Variants in CAMSAP1 observed in about 807,000 individuals in gnomAD.
The protein encoded by CAMSAP1 is calmodulin regulated spectrin associated protein 1.
CAMSAP1 carries 58 observed loss-of-function variants against 143.5 expected under a neutral mutation model. The ratio of observed to expected loss-of-function variants is 0.40; its 90% CI spans 0.33 to 0.50. The LOEUF (loss-of-function observed/expected upper bound fraction) is 0.50, where lower values mean the gene tolerates loss of function less well. Ranked by LOEUF, CAMSAP1 falls within the 20% of genes least tolerant of loss-of-function variation. CAMSAP1 has a pLI of 0.45. For missense variants in CAMSAP1, 1,969 were observed against 2,115.7 expected (o/e 0.93, Z 1.36); for synonymous variants, 945 against 859.3 (o/e 1.10, Z -1.74).
chr9:135,865,127 C>CTTTTTTTTTTT (rs1837329858), intron 4 of CAMSAP1: 2 of 569,786 alleles, frequency 3.5e-6, no homozygotes, highest in Non-Finnish European at 6.3e-6. Flanking sequence ...CGAAATGTAA[C>CTTTTTTTTTTT]TTAAGAGTTC....
intron 3 of CAMSAP1, among the ~76,000 whole-genome samples, chr9:135,875,684 A>C (rs1478275031): frequency 6.6e-6 from 1 of 152,232 alleles, no homozygotes; most frequent in South Asian, 2.1e-4. Context: ...TAATTCAATA[A>C]GGAAAGGAAA....
chr9:135,874,313 T>A (rs1022131302), intron 3 of CAMSAP1, among the ~76,000 whole-genome samples: 2 of 150,248 alleles, frequency 1.3e-5, no homozygotes, highest in Non-Finnish European at 3.0e-5. Context: ...TCTACAAAAA[T>A]TTTTTTTTAA....
intron 3 of CAMSAP1, among the ~76,000 whole-genome samples, chr9:135,874,853 C>T (rs1222754153): frequency 6.6e-6 from 1 of 152,076 alleles, no homozygotes; most frequent in Non-Finnish European, 1.5e-5. Context: ...TTATTAATTA[C>T]GTTTCTACGG....
chr9:135,823,331 T>C lies in CAMSAP1; in HGVS notation c.1401-71A>G, dbSNP rs535326520. 3.5e-5 allele frequency: 52 copies of C among 1,484,946 alleles called. No homozygotes were observed. In the East Asian group the frequency reaches 1.1e-3, roughly 32 times the overall value. 92.0% of individuals were successfully genotyped at this position (1,484,946 alleles called of 1,614,324 possible). On this transcript the variant is annotated intron_variant, in intron 10 of 16. Coordinates refer to ENST00000389532, the MANE Select transcript of CAMSAP1 (RefSeq NM_015447.4). ...AAGACCCCCAACATGGACCAGGGGG[T>C]GAGAATGCCGGCCACACAAAGAGAA...
In CAMSAP1 at chr9:135,818,685, C is replaced by A; in HGVS notation, c.3960-69G>T. 6.5e-7 allele frequency: 1 copy of A among 1,535,662 alleles called. No homozygotes were observed. Among genetic ancestry groups the A allele is most frequent in the Non-Finnish European group, 8.8e-7 (1 of 1,133,572 alleles). On this transcript the variant is annotated intron_variant, in intron 12 of 16. Coordinates refer to ENST00000389532, the MANE Select transcript of CAMSAP1 (RefSeq NM_015447.4). The surrounding 1 kb of genome is among the most constrained non-coding windows in gnomAD (Gnocchi z 7.7). ...CTTCCACGACGCCTGCGCCGCGGCGCTCTGTCCAGGCGCGTTTCTCGGGTT... is the reference window on the plus strand; with the variant it reads ...CTTCCACGACGCCTGCGCCGCGGCGATCTGTCCAGGCGCGTTTCTCGGGTT...
In CAMSAP1 at chr9:135,868,080, T is replaced by C. The variant is rs535721612; in HGVS notation, c.586-1544A>G. 4.0e-5 allele frequency among the ~76,000 whole-genome samples: 6 copies of C among 151,598 alleles called. No homozygotes were observed. The East Asian group carries it at 9.7e-4, about 25-fold the overall frequency. ...AAAATTCAGTCAACCTAAAATTTTA[T>C]ATCCAGCCGTATATTTGGAAAATGA... On this transcript the variant is annotated intron_variant, in intron 3 of 16. Coordinates refer to ENST00000389532, the MANE Select transcript of CAMSAP1 (RefSeq NM_015447.4).
intron 3 of CAMSAP1, among the ~76,000 whole-genome samples, chr9:135,870,688 G>C (rs988098036): frequency 1.3e-5 from 2 of 152,162 alleles, no homozygotes; most frequent in Non-Finnish European, 2.9e-5. Context: ...CCAGTTACTT[G>C]GGAGGCTAAG....
chr9:135,890,865 A>G (rs1838269457), intron 1 of CAMSAP1, among the ~76,000 whole-genome samples: 1 of 152,232 alleles, frequency 6.6e-6, no homozygotes, highest in Admixed American at 6.5e-5. Flanking sequence ...GCAAGCTCCC[A>G]GACTCCTGAA....
rs201581888 is a variant in CAMSAP1 at position 135,860,049 on chromosome 9, A to AT, written c.808+2417_808+2418insA. Among the ~76,000 whole-genome samples the AT allele has an allele frequency of 1.4e-3, 213 of 150,332 alleles. 2 individuals carry two copies. The highest frequency in any genetic ancestry group is 2.3e-3 in the Admixed American group (35 of 15,096). On this transcript the variant is annotated intron_variant, in intron 5 of 16. Coordinates refer to ENST00000389532, the MANE Select transcript of CAMSAP1 (RefSeq NM_015447.4). ...GCAAAACCCTATCTCCACAAAAAAA[A>AT]AAAAAATAAAAAAATACAAAAGTTA...
intron 3 of CAMSAP1, among the ~76,000 whole-genome samples, chr9:135,868,686 C>T (rs1354659258): frequency 7.4e-6 from 1 of 135,790 alleles, no homozygotes; most frequent in Admixed American, 8.5e-5. Flanking sequence ...GGCATGATCT[C>T]GGCTCACTGC....
chr9:135,822,894 A>T lies in CAMSAP1; in HGVS notation c.1767T>A (p.Ser589Arg). The part of the protein sequence containing the change: ...QLDTSESKPD[S>R]FFLEPLMPAV... Reference sequence around the variant, plus strand: ...CTGGCATCAAAGGCTCCAAGAAAAAACTGTCAGGCTTACTTTCCGAGGTGT... The same window carrying T: ...CTGGCATCAAAGGCTCCAAGAAAAATCTGTCAGGCTTACTTTCCGAGGTGT... Residue 589 changes from serine to arginine, a missense_variant, in exon 11 of 17, where the codon AGT (serine) becomes AGA (arginine). Around this residue, in one of 4 missense-constraint regions of CAMSAP1, gnomAD observed 1,390 missense variants for 1,420.8 expected, o/e 0.98. Transcript: ENST00000389532. The surrounding 1 kb of genome is among the most constrained non-coding windows in gnomAD (Gnocchi z 6.1). The T allele has an allele frequency of 6.2e-7, 1 of 1,613,482 alleles. No homozygotes were observed. The highest frequency in any genetic ancestry group is 8.5e-7 in the Non-Finnish European group (1 of 1,179,776).
intron 3 of CAMSAP1, among the ~76,000 whole-genome samples, chr9:135,876,334 G>A (rs1837747178): frequency 1.3e-5 from 2 of 152,198 alleles, no homozygotes; most frequent in Admixed American, 1.3e-4. Flanking sequence ...ACATACATCT[G>A]ACAAGGCCCT....
Position 135,850,116 on chromosome 9 carries a change from TG to T in CAMSAP1, c.1045+20del. 2.5e-6 allele frequency: 4 copies of T among 1,585,488 alleles called. No individual in the cohort carries two copies. The highest frequency in any genetic ancestry group is 2.6e-6 in the Non-Finnish European group (3 of 1,165,054). ...GCTCTCAAGGAAACCATTGCCAACC[TG>T]GGGAATATCTGTCACTCACCGTCTT... On this transcript the variant is annotated intron_variant, in intron 7 of 16. Transcript: ENST00000389532.
chr9:135,873,591 A>G (rs983672408), intron 3 of CAMSAP1, among the ~76,000 whole-genome samples: 1 of 152,180 alleles, frequency 6.6e-6, no homozygotes, highest in African/African-American at 2.4e-5. Flanking sequence ...AACAAACAGG[A>G]CACTGTCACT....
chr9:135,902,825 G>A (rs1217949828), intron 1 of CAMSAP1, among the ~76,000 whole-genome samples: 1 of 152,198 alleles, frequency 6.6e-6, no homozygotes, highest in Non-Finnish European at 1.5e-5. Flanking sequence ...CAGGCCATGT[G>A]GCTTCTGCAC....
At chr9:135,900,779 G>A (rs1223749846) in intron 1 of CAMSAP1, among the ~76,000 whole-genome samples, 1 of 151,994 alleles carries the variant, frequency 6.6e-6, no homozygotes, top group Non-Finnish European at 1.5e-5. Context: ...CTTTGAGACA[G>A]GGTTTCACTC....
intron 1 of CAMSAP1, among the ~76,000 whole-genome samples, chr9:135,892,946 A>T (rs184795473): frequency 1.2e-3 from 176 of 151,410 alleles, no homozygotes; most frequent in African/African-American, 4.0e-3. Flanking sequence ...AGGTAGGAGG[A>T]TCATTTGAGT....
chr9:135,839,451 A>T (rs1348074702), intron 7 of CAMSAP1, among the ~76,000 whole-genome samples: 1 of 152,210 alleles, frequency 6.6e-6, no homozygotes, highest in East Asian at 1.9e-4. Context: ...GGGAGGGGTC[A>T]TCACATCCCA....
At chr9:135,817,403 G>C (rs1033180247) in intron 14 of CAMSAP1, among the ~76,000 whole-genome samples, 1 of 152,092 alleles carries the variant, frequency 6.6e-6, no homozygotes, top group Admixed American at 6.5e-5. Flanking sequence ...TTGCTTTTGG[G>C]GGTTTTCTGG....
Sources: allele counts gnomAD v4.1 joint callset (sites outside exome capture counted in the v4.1 genomes callset), GRCh38; gene constraint gnomAD v4.1.1; regional missense constraint gnomAD v4.1.1; non-coding constraint Gnocchi (gnomAD v3.1); transcripts MANE v1.5; gene names NCBI Gene and HGNC (gene_info 2026-07-23, HGNC 2026-07-21).